DNAH14: variants seen among roughly 807,000 people sequenced by gnomAD.
DNAH14 encodes the protein dynein axonemal heavy chain 14.
In DNAH14, 478 loss-of-function variants were observed where a neutral mutation model predicts 520.9. The ratio of observed to expected loss-of-function variants is 0.92; its 90% CI spans 0.85 to 0.99. The LOEUF (loss-of-function observed/expected upper bound fraction) is 0.99, where lower values mean the gene tolerates loss of function less well. DNAH14 is among the 50% of genes least tolerant of loss of function. DNAH14 has a pLI of 0.00. For synonymous variants in DNAH14, 1,581 were observed against 1,757.2 expected (o/e 0.90, Z 2.51); for missense variants, 4,831 against 5,234.5 (o/e 0.92, Z 2.38).
chr1:225,051,496 A>G lies in DNAH14; in HGVS notation c.2125A>G (p.Asn709Asp), dbSNP rs778695926. Residue 709 changes from asparagine to aspartate, a missense_variant, in exon 17 of 86, where the codon AAT (asparagine) becomes GAT (aspartate). Asn to Asp is a conservative substitution (Grantham distance 23). Coordinates refer to ENST00000682510, the MANE Select transcript of DNAH14 (RefSeq NM_001367479.1). ...TATTGGTAATTCAATGGGCCTAGTT[A>G]ATGCTTACAGCCACAAGTTTATAAA... Reference protein sequence around the residue: ...TIIGNSMGLVNAYSHKFIKYC... With the variant: ...TIIGNSMGLVDAYSHKFIKYC... 2.6e-6 allele frequency: 4 copies of G among 1,543,416 alleles called. No homozygotes were observed. Among genetic ancestry groups the G allele is most frequent in the Non-Finnish European group, 3.5e-6 (4 of 1,143,818 alleles).
intron 66 of DNAH14, among the ~76,000 whole-genome samples, chr1:225,335,545 G>GTATATACCTATATACATATGTACA (rs2094959437): frequency 1.4e-5 from 1 of 70,034 alleles, no homozygotes; most frequent in African/African-American, 7.5e-5. Context: ...ACATATATAC[G>GTATATACCTATATACATATGTACA]TATATACATA....
chr1:225,347,878 T>C lies in DNAH14; in HGVS notation c.11296+1224T>C, dbSNP rs544614863. 3.3e-5 allele frequency among the ~76,000 whole-genome samples: 5 copies of C among 152,192 alleles called. No homozygotes were observed. In the South Asian group the frequency reaches 1.0e-3, roughly 32 times the overall value. ...ACTCCAGAAACGAGTCCCACAGAAA[T>C]GCAGATCTATGGGCTGCCTGACAAG... On this transcript the variant is annotated intron_variant, in intron 71 of 85. Coordinates refer to ENST00000682510, the MANE Select transcript of DNAH14 (RefSeq NM_001367479.1).
chr1:225,052,249 G>T (rs2068610619), intron 17 of DNAH14, among the ~76,000 whole-genome samples: 1 of 152,078 alleles, frequency 6.6e-6, no homozygotes, highest in Admixed American at 6.5e-5. Context: ...AGTATTCTGG[G>T]TGGGCAGATC....
intron 8 of DNAH14, among the ~76,000 whole-genome samples, chr1:224,996,965 G>A (rs1490705157): frequency 6.6e-6 from 1 of 152,124 alleles, no homozygotes; most frequent in Non-Finnish European, 1.5e-5. Flanking sequence ...TGTGGGGTGT[G>A]GGGGCAGGGT....
At chr1:225,375,099 CCTCCGAGAA>C (rs1409147260) in intron 78 of DNAH14, among the ~76,000 whole-genome samples, 7 of 152,000 alleles carry the variant, frequency 4.6e-5, no homozygotes, top group Non-Finnish European at 1.0e-4. Context: ...TCGTTCATGT[CCTCCGAGAA>C]CGTAGAGTGT....
At chr1:224,952,576 A>C in intron 1 of DNAH14, 94 bp from the exon 2 acceptor site, 1 of 602,058 alleles carries the variant, frequency 1.7e-6, no homozygotes, top group Non-Finnish European at 2.7e-6. Flanking sequence ...GCCTATTGAG[A>C]AGCTGGGAAC....
At chr1:225,173,073 T>C (rs1028700326) in intron 36 of DNAH14, among the ~76,000 whole-genome samples, 1 of 152,236 alleles carries the variant, frequency 6.6e-6, no homozygotes, top group African/African-American at 2.4e-5. Flanking sequence ...AAGCTGAAAC[T>C]GAATCCCTTC....
intron 21 of DNAH14, among the ~76,000 whole-genome samples, chr1:225,088,869 A>T (rs6680659): frequency 0.13 from 19,699 of 152,166 alleles, 3,934 homozygotes; most frequent in African/African-American, 0.43. Flanking sequence ...AAATACGCAA[A>T]TTACTAAAGC....
At chr1:225,165,903 A>G (rs1189508136) in intron 35 of DNAH14, among the ~76,000 whole-genome samples, 1 of 152,020 alleles carries the variant, frequency 6.6e-6, no homozygotes, top group Non-Finnish European at 1.5e-5. Flanking sequence ...TTTTATTTTA[A>G]TGAAAATGCG....
At chr1:225,145,439 C>A (rs1031024254) in intron 30 of DNAH14, 60 bp downstream of exon 30, 2 of 1,269,894 alleles carry the variant, frequency 1.6e-6, no homozygotes, top group South Asian at 1.7e-5. Context: ...TAAAACAATT[C>A]ATTGAAGAAT....
chr1:225,382,467 GAGGCCAAGGTGGCGGATCACCTGAGGTT>G (rs2095794542), intron 81 of DNAH14, among the ~76,000 whole-genome samples: 1 of 152,072 alleles, frequency 6.6e-6, no homozygotes, highest in African/African-American at 2.4e-5. Context: ...AGCACTTTTG[GAGGCCAAGGTGGCGGATCACCTGAGGTT>G]AGGAGTTTGA....
chr1:225,013,350 A>G (rs986766368), intron 10 of DNAH14, among the ~76,000 whole-genome samples: 1 of 138,558 alleles, frequency 7.2e-6, no homozygotes, highest in Non-Finnish European at 1.5e-5. Context: ...GCTTTGTCTC[A>G]GGGGGACCCA....
In DNAH14 at chr1:225,017,776, G is replaced by A. The variant is rs1372592493; in HGVS notation, c.1108-5839G>A. Among the ~76,000 whole-genome samples the A allele has an allele frequency of 3.9e-5, 6 of 152,228 alleles. No homozygotes were observed. In the East Asian group the frequency reaches 7.7e-4, roughly 20 times the overall value. ...ATGGGCCCAGTCCTAGCCACCCAAG[G>A]TTAAAGCATGCTGCCCAGGAGTGTT... On this transcript the variant is annotated intron_variant, in intron 10 of 85. Coordinates refer to ENST00000682510, the MANE Select transcript of DNAH14 (RefSeq NM_001367479.1).
intron 66 of DNAH14, among the ~76,000 whole-genome samples, chr1:225,335,950 TATATACAC>T (rs1463122747): frequency 9.7e-5 from 14 of 144,908 alleles, no homozygotes; most frequent in African/African-American, 3.5e-4. Context: ...CATATATGTA[TATATACAC>T]ATATACATAT....
chr1:225,050,500 C>A, intron 16 of DNAH14, 124 bp downstream of exon 16: 1 of 998,232 alleles, frequency 1.0e-6, no homozygotes, highest in Non-Finnish European at 1.4e-6. Flanking sequence ...AAATCATTTC[C>A]AGCTTATCTC....
rs1197478141 is a variant in DNAH14 at position 225,335,209 on chromosome 1, ATG to A, written c.10080+1709_10080+1710del. The stretch of plus-strand genomic sequence containing the variant: ...TGTGTGTATATATGCACACACGTAC[ATG>A]TGTGTATATATGCACATATACACAT... On this transcript the variant is annotated intron_variant, in intron 66 of 85. Coordinates refer to ENST00000682510, the MANE Select transcript of DNAH14 (RefSeq NM_001367479.1). Among the ~76,000 whole-genome samples the A allele has an allele frequency of 3.6e-5, 5 of 139,732 alleles. No homozygotes were observed. In the South Asian group the frequency reaches 7.2e-4, roughly 20 times the overall value. The allele number at this position is 139,732 out of a possible 152,430, so 91.7% of individuals were successfully genotyped here. A position where few individuals can be genotyped will look rare whatever the true frequency, so the allele number is the denominator to read the frequency against.
intron 27 of DNAH14, among the ~76,000 whole-genome samples, chr1:225,132,114 A>G (rs2078481119): frequency 6.6e-6 from 1 of 152,104 alleles, no homozygotes; most frequent in Non-Finnish European, 1.5e-5. Context: ...GGTAAACTAT[A>G]TTATATCTGT....
At position 225,121,459 on chromosome 1, in the gene DNAH14, A is replaced by G. The variant is rs564857978; in HGVS notation, c.4167-2068A>G. On this transcript the variant is annotated intron_variant, in intron 26 of 85. Transcript: ENST00000682510. ...CATTCTACTCTCTACTTCTGTGAAT[A>G]GAGAATGTTTTTTAGATTCTCCATA... 3.9e-5 allele frequency among the ~76,000 whole-genome samples: 6 copies of G among 152,316 alleles called. No individual in the cohort carries two copies. The East Asian group carries it at 1.2e-3, about 29-fold the overall frequency.
intron 54 of DNAH14, among the ~76,000 whole-genome samples, chr1:225,284,040 C>T (rs1391689493): frequency 6.6e-6 from 1 of 152,006 alleles, no homozygotes; most frequent in Non-Finnish European, 1.5e-5. Flanking sequence ...GCTATAAATA[C>T]TTATATTTAA....
Sources: allele counts gnomAD v4.1 joint callset (sites outside exome capture counted in the v4.1 genomes callset), GRCh38; gene constraint gnomAD v4.1.1; transcripts MANE v1.5; gene names NCBI Gene and HGNC (gene_info 2026-07-23, HGNC 2026-07-21).